Variants in PIAS4 observed in about 807,000 individuals in gnomAD.
The protein encoded by PIAS4 is protein inhibitor of activated STAT 4, also known as E3 SUMO-protein ligase PIAS4.
A neutral mutation model predicts 58.0 loss-of-function variants in PIAS4; 7 were observed. The ratio of observed to expected loss-of-function variants is 0.12; its 90% CI spans 0.07 to 0.23. The LOEUF (loss-of-function observed/expected upper bound fraction) is 0.23. Ranked by LOEUF, PIAS4 falls within the 10% of genes least tolerant of loss-of-function variation. The probability of loss-of-function intolerance (pLI) is 1.00; values close to 1 mark genes in which losing one functional copy is unlikely to be tolerated. For missense variants in PIAS4, 550 were observed against 709.5 expected (o/e 0.78, Z 2.55); for synonymous variants, 364 against 312.4 (o/e 1.17, Z -1.74).
At chr19:4,020,712 A>T (rs61473689) in intron 2 of PIAS4, among the ~76,000 whole-genome samples, 8,179 of 152,260 alleles carry the variant, frequency 0.054, 759 homozygotes, top group African/African-American at 0.19. Context: ...CTCTCACCTC[A>T]GCCTCCTGAG....
chr19:4,017,070 G>C (rs2144912866), intron 2 of PIAS4, among the ~76,000 whole-genome samples: 1 of 152,302 alleles, frequency 6.6e-6, no homozygotes, highest in South Asian at 2.1e-4. Context: ...CTGGGGGCCT[G>C]GATGGGCACG....
rs766832572 is a variant in PIAS4, at chr19:4,037,813, G to A, written c.1471G>A (p.Glu491Lys). The A allele has an allele frequency of 1.9e-5, 30 of 1,582,922 alleles. No homozygotes were observed. Among genetic ancestry groups the A allele is most frequent in the Non-Finnish European group, 2.4e-5 (28 of 1,165,266 alleles). The stretch of plus-strand genomic sequence containing the variant: ...GGAAGAGGAGGAGGAAGACGAGGAC[G>A]AAGAGGGGCCCCGGCCCAAGCGCCG... ...EEEEEEEDED[E>K]EGPRPKRRCP... Residue 491 changes from glutamate to lysine, a missense_variant, in exon 11 of 11, where the codon GAA becomes AAA. By Grantham distance (56) the Glu-to-Lys change is moderately conservative. Around this residue, in one of 4 missense-constraint regions of PIAS4, gnomAD observed 188 missense variants for 192.0 expected, o/e 0.98. Transcript: ENST00000262971. The surrounding 1 kb of genome is among the most constrained non-coding windows in gnomAD (Gnocchi z 5.8).
At chr19:4,023,986 G>A (rs776439684) in intron 2 of PIAS4, 50 bp from the exon 3 acceptor site, 10 of 1,299,752 alleles carry the variant, frequency 7.7e-6, no homozygotes, top group South Asian at 4.7e-5. Context: ...ACTGGGCTCG[G>A]GGGACCTGCC....
rs2039957045 is a variant in PIAS4 at position 4,007,769 on chromosome 19, G to A, written c.9G>A (p.Ala3=). MA[A]ELVEAKNMVM... ...GGACGCTGGTGACCAAGATGGCGGC[G>A]GAGCTGGTGGAGGCCAAAGTGAGTG... The change falls in exon 1 of 11, where the codon GCG becomes GCA. Residue 3 remains alanine (A), a synonymous_variant. Coordinates refer to ENST00000262971, the MANE Select transcript of PIAS4 (RefSeq NM_015897.4). 2 of 1,216,238 alleles carry A rather than the reference G, an allele frequency of 1.6e-6. No individual in the cohort carries two copies. The highest frequency in any genetic ancestry group is 8.3e-5 in the South Asian group (2 of 24,152). 75.3% of individuals were successfully genotyped at this position (1,216,238 alleles called of 1,614,324 possible).
At chr19:4,027,406 C>T (rs1344722804) in intron 3 of PIAS4, among the ~76,000 whole-genome samples, 2 of 152,144 alleles carry the variant, frequency 1.3e-5, no homozygotes, top group South Asian at 4.1e-4. Context: ...GCGTGTTGGT[C>T]CTTCGGTCTA....
intron 1 of PIAS4, 61 bp from the exon 2 acceptor site, chr19:4,012,862 C>A (rs1390577012): frequency 6.6e-7 from 1 of 1,522,266 alleles, no homozygotes; most frequent in African/African-American, 1.4e-5. Context: ...GCCTGGCCTC[C>A]ATGGAGTCCC....
In PIAS4 at chr19:4,037,580, T is replaced by A. The variant is rs769068625; in HGVS notation, c.1274-36T>A. On this transcript the variant is annotated intron_variant, in intron 10 of 10. Coordinates refer to ENST00000262971, the MANE Select transcript of PIAS4 (RefSeq NM_015897.4). This position sits in a 1 kb window ranked among gnomAD's most constrained non-coding sequence, Gnocchi z 5.8. ...GTTTCCCCATTTATCAGTGGTTGCATCCTAAGTACCTGCACCCTGTCCCTG... is the reference window on the plus strand; with the variant it reads ...GTTTCCCCATTTATCAGTGGTTGCAACCTAAGTACCTGCACCCTGTCCCTG... 4 of 1,607,496 alleles carry A rather than the reference T, an allele frequency of 2.5e-6. No individual in the cohort carries two copies. Among genetic ancestry groups the A allele is most frequent in the Non-Finnish European group, 3.4e-6 (4 of 1,179,744 alleles).
rs141491213 is a variant in PIAS4, at chr19:4,033,185, C to T, written c.981+12C>T. 9.0e-4 allele frequency: 1,444 copies of T among 1,603,966 alleles called. 19 individuals carry two copies. In the South Asian group the frequency reaches 0.013, roughly 15 times the overall value. ...CCCTCATCTGTCCGGTGAGTCGGGG[C>T]GCGGTCCCCTCCTCGAGGCCTCTCC... On this transcript the variant is annotated intron_variant, in intron 8 of 10. Transcript: ENST00000262971.
chr19:4,033,719 C>T (rs2040247678), intron 9 of PIAS4, 139 bp downstream of exon 9: 3 of 750,210 alleles, frequency 4.0e-6, no homozygotes, highest in Non-Finnish European at 6.3e-6. Context: ...TTTGGAAACC[C>T]CGGGCTGCGA....
rs1034472005 is a variant in PIAS4 at position 4,037,836 on chromosome 19, C to T, written c.1494C>T (p.Arg498=). Residue 498 remains arginine (R), a synonymous_variant, in exon 11 of 11, where the codon CGC becomes CGT. Coordinates refer to ENST00000262971, the MANE Select transcript of PIAS4 (RefSeq NM_015897.4). The surrounding 1 kb of genome is among the most constrained non-coding windows in gnomAD (Gnocchi z 5.8). ...DEDEEGPRPK[R]RCPFQKGLVP... ...ACGAAGAGGGGCCCCGGCCCAAGCG[C>T]CGCTGCCCCTTCCAGAAGGGCCTGG... 1 of 1,569,336 alleles carries T rather than the reference C, an allele frequency of 6.4e-7. No homozygotes were observed. The highest frequency in any genetic ancestry group is 8.6e-7 in the Non-Finnish European group (1 of 1,159,020).
At chr19:4,036,810 C>T (rs998190201) in intron 9 of PIAS4, among the ~76,000 whole-genome samples, 29 of 149,258 alleles carry the variant, frequency 1.9e-4, no homozygotes, top group South Asian at 2.1e-4. Context: ...CACACCGTCA[C>T]ATATCTGTAC....
chr19:4,009,457 C>T (rs778783609), intron 1 of PIAS4, among the ~76,000 whole-genome samples: 7 of 152,106 alleles, frequency 4.6e-5, no homozygotes, highest in Non-Finnish European at 1.0e-4. Context: ...AGCTGTGACC[C>T]TGGACCCCAA....
In PIAS4 at chr19:4,037,644, C is replaced by T. The variant is rs762188651; in HGVS notation, c.1302C>T (p.Pro434=). 1.3e-5 allele frequency: 21 copies of T among 1,611,492 alleles called. No homozygotes were observed. In the East Asian group the frequency reaches 1.8e-4, roughly 14 times the overall value. The change falls in exon 11 of 11, where the codon CCC becomes CCT. Residue 434 remains proline (P), a synonymous_variant. Transcript: ENST00000262971. This position sits in a 1 kb window ranked among gnomAD's most constrained non-coding sequence, Gnocchi z 5.8. Reference sequence around the variant, plus strand: ...CCTCGGACGCCAATGGGCTCCTGCCCGCCCCCAGCGTCAACGGGAGCGGTG... The same window carrying T: ...CCTCGGACGCCAATGGGCTCCTGCCTGCCCCCAGCGTCAACGGGAGCGGTG... The part of the protein sequence containing the change: ...LGPSDANGLL[P]APSVNGSGAL...
At chr19:4,021,009 A>T (rs908923218) in intron 2 of PIAS4, among the ~76,000 whole-genome samples, 1 of 152,204 alleles carries the variant, frequency 6.6e-6, no homozygotes, top group Admixed American at 6.5e-5. Flanking sequence ...TTATAAGGGT[A>T]GTTTCCCAGA....
In PIAS4 at chr19:4,028,293, C is replaced by T. The variant is rs1044924188; in HGVS notation, c.581+106C>T. The T allele has an allele frequency of 3.2e-6, 3 of 940,366 alleles. No homozygotes were observed. The African/African-American group carries it at 5.1e-5, about 16-fold the overall frequency. 58.3% of individuals were successfully genotyped at this position (940,366 alleles called of 1,614,324 possible). A position where few individuals can be genotyped will look rare whatever the true frequency, so the allele number is the denominator to read the frequency against. On this transcript the variant is annotated intron_variant, in intron 4 of 10. Transcript: ENST00000262971. Reference sequence around the variant, plus strand: ...CCTTCTCAGTCTCCCCTGCTAACAGCAGAGCCCAGCTCTCCTCACCTGCTG... The same window carrying T: ...CCTTCTCAGTCTCCCCTGCTAACAGTAGAGCCCAGCTCTCCTCACCTGCTG...
chr19:4,028,338 A>T, intron 4 of PIAS4, 151 bp downstream of exon 4: 1 of 804,656 alleles, frequency 1.2e-6, no homozygotes. Context: ...GTCTGGGGAT[A>T]CATCACCATC....
At chr19:4,034,128 CTG>C (rs904658111) in intron 9 of PIAS4, among the ~76,000 whole-genome samples, 4 of 152,260 alleles carry the variant, frequency 2.6e-5, no homozygotes, top group African/African-American at 7.2e-5. Context: ...TTTCCAGAAA[CTG>C]AGCCCCGTTG....
chr19:4,010,265 A>G (rs955074776), intron 1 of PIAS4, among the ~76,000 whole-genome samples: 1 of 152,136 alleles, frequency 6.6e-6, no homozygotes, highest in African/African-American at 2.4e-5. Flanking sequence ...AGTCGTGAAC[A>G]TATGGCCACC....
In PIAS4 at chr19:4,036,649, CAT is replaced by C. The variant is rs1284585135; in HGVS notation, c.1143-723_1143-722del. On this transcript the variant is annotated intron_variant, in intron 9 of 10. Coordinates refer to ENST00000262971, the MANE Select transcript of PIAS4 (RefSeq NM_015897.4). ...CTCACATCTATACAGTCCACACTGT[CAT>C]ACACACACATCTATACAGTCCACAC... Among the ~76,000 whole-genome samples the C allele has an allele frequency of 1.0e-3, 139 of 134,512 alleles. 20 individuals are homozygous for C. Among genetic ancestry groups the C allele is most frequent in the African/African-American group, 3.8e-3 (133 of 35,160 alleles). 88.2% of individuals were successfully genotyped at this position (134,512 alleles called of 152,430 possible).
Sources: allele counts gnomAD v4.1 joint callset (sites outside exome capture counted in the v4.1 genomes callset), GRCh38; gene constraint gnomAD v4.1.1; regional missense constraint gnomAD v4.1.1; non-coding constraint Gnocchi (gnomAD v3.1); transcripts MANE v1.5; gene names NCBI Gene and HGNC (gene_info 2026-07-23, HGNC 2026-07-21).